GREB1L: variants seen among roughly 807,000 people sequenced by gnomAD.
GREB1L encodes the protein GREB1 like retinoic acid receptor coactivator, also known as GREB1-like protein.
A neutral mutation model predicts 200.8 loss-of-function variants in GREB1L; 17 were observed. The ratio of observed to expected loss-of-function variants is 0.08; its 90% CI spans 0.06 to 0.13. The LOEUF (loss-of-function observed/expected upper bound fraction) is 0.13. Among genes scored for constraint, GREB1L ranks in the 10% least tolerant of loss-of-function variants. GREB1L has a pLI of 1.00. For synonymous variants in GREB1L, 789 were observed against 893.0 expected (o/e 0.88, Z 2.08); for missense variants, 1,657 against 2,367.7 (o/e 0.70, Z 6.23).
chr18:21,486,385 A>C (rs1266205168), intron 18 of GREB1L, among the ~76,000 whole-genome samples: 1 of 151,296 alleles, frequency 6.6e-6, no homozygotes, highest in Non-Finnish European at 1.5e-5. Flanking sequence ...CACTTCTCTG[A>C]GCTCCGGCCT....
chr18:21,426,708 C>G (rs2032607017), intron 7 of GREB1L, among the ~76,000 whole-genome samples: 1 of 152,034 alleles, frequency 6.6e-6, no homozygotes, highest in African/African-American at 2.4e-5. Context: ...CCTGTAATCC[C>G]AGCATGTTGG....
intron 1 of GREB1L, among the ~76,000 whole-genome samples, chr18:21,269,760 C>T (rs575679438): frequency 2.0e-5 from 3 of 152,200 alleles, no homozygotes; most frequent in South Asian, 2.1e-4. Context: ...AGTAAAAACT[C>T]AGTTGTATAT....
At chr18:21,493,583 T>C (rs2036423677) in intron 19 of GREB1L, among the ~76,000 whole-genome samples, 1 of 152,128 alleles carries the variant, frequency 6.6e-6, no homozygotes, top group African/African-American at 2.4e-5. Context: ...CATCCTCATA[T>C]AGGCCAGGTG....
At chr18:21,464,964 T>A (rs945881480) in intron 15 of GREB1L, among the ~76,000 whole-genome samples, 1 of 152,202 alleles carries the variant, frequency 6.6e-6, no homozygotes, top group Non-Finnish European at 1.5e-5. Flanking sequence ...CAACCAAGTA[T>A]AATAATTCAT....
intron 1 of GREB1L, among the ~76,000 whole-genome samples, chr18:21,291,378 C>T (rs1253261059): frequency 6.6e-6 from 1 of 152,170 alleles, no homozygotes. Flanking sequence ...GCTATCTACC[C>T]TTCACTCACT....
chr18:21,289,696 G>A (rs570699988), intron 1 of GREB1L, among the ~76,000 whole-genome samples: 3 of 152,296 alleles, frequency 2.0e-5, no homozygotes, highest in East Asian at 3.9e-4. Flanking sequence ...CATAGGAAGG[G>A]AAACAATCCA....
chr18:21,251,236 C>T (rs2037698210), intron 1 of GREB1L, among the ~76,000 whole-genome samples: 1 of 152,156 alleles, frequency 6.6e-6, no homozygotes, highest in African/African-American at 2.4e-5. Context: ...CCTTTCTTTT[C>T]ACTCCAACAA....
At chr18:21,426,208 C>G (rs1334388329) in intron 7 of GREB1L, among the ~76,000 whole-genome samples, 1 of 152,028 alleles carries the variant, frequency 6.6e-6, no homozygotes, top group Non-Finnish European at 1.5e-5. Flanking sequence ...AGGCGCCCAC[C>G]ACCACGCCTG....
chr18:21,398,883 T>TG (rs2144465916), intron 5 of GREB1L, among the ~76,000 whole-genome samples: 1 of 152,270 alleles, frequency 6.6e-6, no homozygotes, highest in South Asian at 2.1e-4. Flanking sequence ...AGTGGTGTTA[T>TG]TTTTTGTTTT....
intron 15 of GREB1L, among the ~76,000 whole-genome samples, chr18:21,464,691 T>A (rs2035198885): frequency 6.6e-6 from 1 of 152,038 alleles, no homozygotes; most frequent in Non-Finnish European, 1.5e-5. Context: ...GTAATCAAAA[T>A]TTGGCATCTC....
rs1270975640 is a variant in GREB1L, at chr18:21,395,371, A to T, written c.356-14A>T. On this transcript the variant is annotated splice_polypyrimidine_tract_variant and intron_variant, in intron 4 of 32. Coordinates refer to ENST00000424526, the MANE Select transcript of GREB1L (RefSeq NM_001142966.3). Reference sequence around the variant, plus strand: ...AACATTTCACTGTGTCCTTTTTTTTAAACTGGTTTTTAGGTTTTTGTCAAG... The same window carrying T: ...AACATTTCACTGTGTCCTTTTTTTTTAACTGGTTTTTAGGTTTTTGTCAAG... 4.6e-6 allele frequency: 7 copies of T among 1,537,234 alleles called. No homozygotes were observed. In the East Asian group the frequency reaches 1.2e-4, roughly 27 times the overall value.
chr18:21,243,437 A>G (rs2143790756), intron 1 of GREB1L, among the ~76,000 whole-genome samples: 1 of 152,322 alleles, frequency 6.6e-6, no homozygotes, highest in Non-Finnish European at 1.5e-5. Context: ...CCCGGCTGAG[A>G]GGATAGAAAC....
intron 7 of GREB1L, among the ~76,000 whole-genome samples, chr18:21,418,326 C>G (rs2031838661): frequency 6.6e-6 from 1 of 152,100 alleles, no homozygotes; most frequent in Admixed American, 6.6e-5. Context: ...GCTCAATTCC[C>G]TTATATAAAA....
At chr18:21,478,586 T>G (rs1240990369) in intron 17 of GREB1L, among the ~76,000 whole-genome samples, 2 of 152,244 alleles carry the variant, frequency 1.3e-5, no homozygotes, top group Non-Finnish European at 2.9e-5. Flanking sequence ...GTTTGTTCCT[T>G]GCAAGCAGGA....
chr18:21,433,381 A>C (rs2033306930), intron 7 of GREB1L, among the ~76,000 whole-genome samples: 1 of 152,234 alleles, frequency 6.6e-6, no homozygotes, highest in African/African-American at 2.4e-5. Context: ...GGATATGCTA[A>C]AATTATAGGT....
rs756264002 is a variant in GREB1L at position 21,395,580 on chromosome 18, T to C, written c.532+19T>C. The C allele has an allele frequency of 6.6e-7, 1 of 1,512,972 alleles. No individual in the cohort carries two copies. Among genetic ancestry groups the C allele is most frequent in the Non-Finnish European group, 8.9e-7 (1 of 1,125,694 alleles). The allele number at this position is 1,512,972 out of a possible 1,614,324, so 93.7% of individuals were successfully genotyped here. On this transcript the variant is annotated intron_variant, in intron 5 of 32. Coordinates refer to ENST00000424526, the MANE Select transcript of GREB1L (RefSeq NM_001142966.3). The stretch of plus-strand genomic sequence containing the variant: ...CTTTTAGGTGAGTGTTTCATGCTTA[T>C]AAAATTCCTTCCAATATGAGGGAGT...
At chr18:21,262,506 G>A (rs1204628384) in intron 1 of GREB1L, among the ~76,000 whole-genome samples, 2 of 152,104 alleles carry the variant, frequency 1.3e-5, no homozygotes, top group Admixed American at 1.3e-4. Flanking sequence ...TTACACTTCT[G>A]CTTTCCCAAA....
chr18:21,395,105 CAAAAAAAAAA>C (rs372663303), intron 4 of GREB1L, among the ~76,000 whole-genome samples: 2 of 64,064 alleles, frequency 3.1e-5, no homozygotes, highest in Non-Finnish European at 6.8e-5. Flanking sequence ...GACTCCATCT[CAAAAAAAAAA>C]AAAAAAAGAA....
chr18:21,431,919 C>CTTTTTT (rs773523492), intron 7 of GREB1L, among the ~76,000 whole-genome samples: 227 of 91,258 alleles, frequency 2.5e-3, no homozygotes, highest in Non-Finnish European at 3.0e-3. Flanking sequence ...CTTTTCTTTT[C>CTTTTTT]TTTTTTTTTT....
Sources: gnomAD v4.1 joint callset for allele counts (sites outside exome capture counted in the v4.1 genomes callset) on GRCh38, gnomAD v4.1.1 for gene constraint, MANE v1.5 for transcripts, NCBI Gene and HGNC (gene_info 2026-07-23, HGNC 2026-07-21) for gene names.